SGCZ: variants seen among roughly 807,000 people sequenced by gnomAD.
The protein encoded by SGCZ is zeta-sarcoglycan.
SGCZ carries 40 observed loss-of-function variants against 41.3 expected under a neutral mutation model. The observed-to-expected ratio is 0.97, with a 90% CI of 0.75 to 1.26. SGCZ has a LOEUF of 1.26. SGCZ is among the 50% of genes most tolerant of loss of function. The pLI, the probability that SGCZ is intolerant of heterozygous loss-of-function variation, is 0.00. For synonymous variants in SGCZ, 206 were observed against 137.5 expected (o/e 1.50, Z -3.49); for missense variants, 552 against 369.8 (o/e 1.49, Z -4.04).
At position 14,685,533 on chromosome 8, in the gene SGCZ, C is replaced by T. The variant is rs1808584957; in HGVS notation, c.40-130607G>A. Among the ~76,000 whole-genome samples the T allele has an allele frequency of 2.6e-5, 4 of 152,144 alleles. No individual in the cohort carries two copies. In the South Asian group the frequency reaches 6.2e-4, roughly 24 times the overall value. Reference sequence around the variant, plus strand: ...TACTTTGGTTAATTCATGTATGTAACTACTAATATTGCTATTCATTGAAAT... The same window carrying T: ...TACTTTGGTTAATTCATGTATGTAATTACTAATATTGCTATTCATTGAAAT... On this transcript the variant is annotated intron_variant, in intron 1 of 7. Coordinates refer to ENST00000382080, the MANE Select transcript of SGCZ (RefSeq NM_139167.4).
intron 5 of SGCZ, among the ~76,000 whole-genome samples, chr8:14,128,922 C>T (rs7827624): frequency 0.012 from 1,784 of 152,206 alleles, 34 homozygotes; most frequent in African/African-American, 0.04. Context: ...ACAATAGAGA[C>T]TCCAAAAGTG....
intron 1 of SGCZ, among the ~76,000 whole-genome samples, chr8:15,186,281 A>C (rs1375889850): frequency 6.3e-5 from 2 of 31,562 alleles, no homozygotes; most frequent in Non-Finnish European, 2.5e-4. Context: ...AAAAAAAAAA[A>C]AAAAAAAAAA....
chr8:14,472,616 T>C (rs1471066635), intron 2 of SGCZ, among the ~76,000 whole-genome samples: 1 of 152,078 alleles, frequency 6.6e-6, no homozygotes, highest in African/African-American at 2.4e-5. Context: ...CAGTGGTAAA[T>C]GTTTTCCCAT....
At chr8:14,582,214 G>C (rs1255206398) in intron 1 of SGCZ, among the ~76,000 whole-genome samples, 1 of 152,006 alleles carries the variant, frequency 6.6e-6, no homozygotes, top group Non-Finnish European at 1.5e-5. Context: ...AACATAAGCA[G>C]TCGAAAGAAA....
chr8:15,198,945 AC>A (rs1421544441), intron 1 of SGCZ, among the ~76,000 whole-genome samples: 5 of 152,332 alleles, frequency 3.3e-5, no homozygotes, highest in Non-Finnish European at 7.3e-5. Context: ...CACAAAGAGC[AC>A]TTTGATTCAA....
chr8:14,639,406 C>G (rs1234799745), intron 1 of SGCZ, among the ~76,000 whole-genome samples: 1 of 151,582 alleles, frequency 6.6e-6, no homozygotes, highest in East Asian at 1.9e-4. Flanking sequence ...TTTTAAGGGC[C>G]ATATTCTTTA....
rs548043373 is a variant in SGCZ, at chr8:14,329,042, T to G, written c.235-4838A>C. ...TCTTGGACTTCCCAGCCTTCAAAACTGTAAGAAAATATTTTCTGCGTTTTT... is the reference window on the plus strand; with the variant it reads ...TCTTGGACTTCCCAGCCTTCAAAACGGTAAGAAAATATTTTCTGCGTTTTT... On this transcript the variant is annotated intron_variant, in intron 2 of 7. Transcript: ENST00000382080. Among the ~76,000 whole-genome samples the G allele has an allele frequency of 2.0e-5, 3 of 150,918 alleles. No homozygotes were observed. In the Admixed American group the frequency reaches 2.0e-4, roughly 10 times the overall value.
chr8:14,325,743 CACACATATATATATATATATATATATAT>C (rs1195483175), intron 2 of SGCZ, among the ~76,000 whole-genome samples: 11 of 66,872 alleles, frequency 1.6e-4, no homozygotes, highest in African/African-American at 5.0e-4. Flanking sequence ...CACACACACA[CACACATATATATATATATATATATATAT>C]ATATATATAT....
At chr8:14,587,716 G>C (rs1053895046) in intron 1 of SGCZ, among the ~76,000 whole-genome samples, 1 of 152,036 alleles carries the variant, frequency 6.6e-6, no homozygotes, top group East Asian at 1.9e-4. Flanking sequence ...TTATGTCTTA[G>C]GTCACTGATT....
At chr8:14,304,525 C>T (rs1563246489) in intron 3 of SGCZ, among the ~76,000 whole-genome samples, 1 of 152,000 alleles carries the variant, frequency 6.6e-6, no homozygotes, top group Non-Finnish European at 1.5e-5. Flanking sequence ...GACCAGCGGT[C>T]AAGGCTACAG....
chr8:14,469,467 T>C (rs2116974103), intron 2 of SGCZ, among the ~76,000 whole-genome samples: 1 of 152,126 alleles, frequency 6.6e-6, no homozygotes, highest in South Asian at 2.1e-4. Flanking sequence ...TATATTTGTG[T>C]GATTATCTGA....
chr8:14,729,141 G>A (rs559946762), intron 1 of SGCZ, among the ~76,000 whole-genome samples: 6 of 152,034 alleles, frequency 3.9e-5, no homozygotes, highest in Non-Finnish European at 5.9e-5. Flanking sequence ...CTAATATGTC[G>A]AGCTGCTTGA....
chr8:14,930,517 C>T (rs1274064506), intron 1 of SGCZ, among the ~76,000 whole-genome samples: 1 of 152,014 alleles, frequency 6.6e-6, no homozygotes, highest in Admixed American at 6.5e-5. Context: ...AATCATTCTA[C>T]TATAAAGACA....
chr8:14,308,873 A>G (rs1025768060), intron 3 of SGCZ, among the ~76,000 whole-genome samples: 2 of 152,152 alleles, frequency 1.3e-5, no homozygotes, highest in Middle Eastern at 3.2e-3. Flanking sequence ...TTCAGTTAAT[A>G]AAATGTCTGT....
intron 2 of SGCZ, among the ~76,000 whole-genome samples, chr8:14,388,853 A>T (rs1001978200): frequency 1.3e-5 from 2 of 152,002 alleles, no homozygotes; most frequent in African/African-American, 4.8e-5. Context: ...AAAAAAAAGA[A>T]AATGAAGCAC....
intron 1 of SGCZ, among the ~76,000 whole-genome samples, chr8:14,622,339 C>T (rs1203973603): frequency 6.6e-6 from 1 of 152,090 alleles, no homozygotes; most frequent in East Asian, 1.9e-4. Flanking sequence ...CTATGAGTTT[C>T]TTGGGGTCAG....
chr8:14,513,880 T>G (rs10046684), intron 2 of SGCZ, among the ~76,000 whole-genome samples: 10,672 of 151,824 alleles, frequency 0.07, 756 homozygotes, highest in African/African-American at 0.19. Context: ...GCATTTTTTT[T>G]GGGGGACAAT....
chr8:14,294,202 T>A (rs920191785), intron 3 of SGCZ, among the ~76,000 whole-genome samples: 1 of 151,964 alleles, frequency 6.6e-6, no homozygotes, highest in Non-Finnish European at 1.5e-5. Flanking sequence ...GGAAGTTTTT[T>A]AATGATAATG....
chr8:14,808,695 A>G (rs1298499218), intron 1 of SGCZ, among the ~76,000 whole-genome samples: 6 of 152,110 alleles, frequency 3.9e-5, no homozygotes, highest in East Asian at 1.9e-4. Flanking sequence ...ATCTAGAACT[A>G]GAAATACCAT....
Sources: gnomAD v4.1 joint callset for allele counts (sites outside exome capture counted in the v4.1 genomes callset) on GRCh38, gnomAD v4.1.1 for gene constraint, MANE v1.5 for transcripts, NCBI Gene and HGNC (gene_info 2026-07-23, HGNC 2026-07-21) for gene names.